Variants in RASGRP1 observed in about 807,000 individuals in gnomAD.
RASGRP1 encodes RAS guanyl releasing protein 1.
In RASGRP1, 37 loss-of-function variants were observed where a neutral mutation model predicts 95.1. That is an observed-to-expected ratio of 0.39 (90% CI 0.30 to 0.51). RASGRP1 has a LOEUF of 0.51. Among genes scored for constraint, RASGRP1 ranks in the 20% least tolerant of loss-of-function variants. RASGRP1 has a pLI of 0.80. For missense variants in RASGRP1, 711 were observed against 965.4 expected, an observed-to-expected ratio of 0.74 and a Z score of 3.49; for synonymous variants, 325 against 353.4, an observed-to-expected ratio of 0.92 and a Z score of 0.90.
chr15:38,533,163 G>C (rs776066958), intron 2 of RASGRP1, among the ~76,000 whole-genome samples: 5 of 152,194 alleles, frequency 3.3e-5, no homozygotes, highest in Non-Finnish European at 7.3e-5. Context: ...ATGAAGGATA[G>C]GCAAGCTGTC....
At chr15:38,554,920 T>C (rs1347158858) in intron 2 of RASGRP1, among the ~76,000 whole-genome samples, 2 of 152,238 alleles carry the variant, frequency 1.3e-5, no homozygotes, top group African/African-American at 4.8e-5. Flanking sequence ...CTTCGGCCCC[T>C]TCCTGACACT....
chr15:38,498,124 T>G (rs1227152981), intron 15 of RASGRP1, among the ~76,000 whole-genome samples: 3 of 152,198 alleles, frequency 2.0e-5, no homozygotes, highest in African/African-American at 7.2e-5. Flanking sequence ...TTCCTGCTGC[T>G]AAGTGACAGT....
Position 38,511,725 on chromosome 15 carries a change from G to A in RASGRP1, c.850-5C>T, listed in dbSNP as rs201650274. The A allele has an allele frequency of 6.2e-7, 1 of 1,603,622 alleles. No homozygotes were observed. Among genetic ancestry groups the A allele is most frequent in the Admixed American group, 1.7e-5 (1 of 59,988 alleles). On this transcript the variant is annotated splice_polypyrimidine_tract_variant and splice_region_variant and intron_variant, in intron 7 of 16. Coordinates refer to ENST00000310803, the MANE Select transcript of RASGRP1 (RefSeq NM_005739.4). ...GTTCTGTAGTTGGTGGAGCTTCTGTGACACAGAAGACAGATGACAGCAGAG... is the reference window on the plus strand; with the variant it reads ...GTTCTGTAGTTGGTGGAGCTTCTGTAACACAGAAGACAGATGACAGCAGAG...
chr15:38,542,960 C>T (rs920697615), intron 2 of RASGRP1, among the ~76,000 whole-genome samples: 17 of 143,150 alleles, frequency 1.2e-4, no homozygotes, highest in African/African-American at 2.3e-4. Flanking sequence ...TACACACATA[C>T]ATATATATAT....
At chr15:38,536,132 G>T (rs1356219336) in intron 2 of RASGRP1, among the ~76,000 whole-genome samples, 1 of 152,220 alleles carries the variant, frequency 6.6e-6, no homozygotes, top group African/African-American at 2.4e-5. Flanking sequence ...AAACTCTCTA[G>T]GAACAATTGA....
At chr15:38,516,752 G>A (rs1407630504) in intron 5 of RASGRP1, among the ~76,000 whole-genome samples, 1 of 151,868 alleles carries the variant, frequency 6.6e-6, no homozygotes, top group Non-Finnish European at 1.5e-5. Context: ...TCTCTATCTG[G>A]TTGGAAATCC....
chr15:38,539,262 G>A (rs1048426194), intron 2 of RASGRP1, among the ~76,000 whole-genome samples: 1 of 152,160 alleles, frequency 6.6e-6, no homozygotes, highest in Non-Finnish European at 1.5e-5. Context: ...GAGCTGGCCT[G>A]CATGCTAAAT....
At chr15:38,526,446 G>T (rs758128057) in intron 2 of RASGRP1, 42 bp from the exon 3 acceptor site, 13 of 1,498,740 alleles carry the variant, frequency 8.7e-6, no homozygotes, top group Non-Finnish European at 7.4e-6. Context: ...GCCCTGGAGG[G>T]AAACTAGTCA....
At chr15:38,523,160 A>T (rs1892064248) in intron 3 of RASGRP1, among the ~76,000 whole-genome samples, 1 of 152,156 alleles carries the variant, frequency 6.6e-6, no homozygotes, top group Admixed American at 6.5e-5. Context: ...ATAGATACTA[A>T]CACTATTAAC....
chr15:38,525,170 G>A (rs1892167653), intron 3 of RASGRP1, among the ~76,000 whole-genome samples: 1 of 152,054 alleles, frequency 6.6e-6, no homozygotes, highest in Non-Finnish European at 1.5e-5. Flanking sequence ...GTTTCACCAT[G>A]TTGGCCAGGC....
intron 2 of RASGRP1, among the ~76,000 whole-genome samples, chr15:38,533,287 G>A (rs1892519011): frequency 6.6e-6 from 1 of 152,194 alleles, no homozygotes; most frequent in Non-Finnish European, 1.5e-5. Flanking sequence ...AGAGCCTGTG[G>A]TAAGGCTGAG....
intron 4 of RASGRP1, 92 bp from the exon 5 acceptor site, chr15:38,518,515 G>C (rs1269222954): frequency 8.1e-6 from 11 of 1,355,490 alleles, no homozygotes; most frequent in East Asian, 2.5e-5. Context: ...GCCACAAAGA[G>C]AACTCAGAAA....
intron 2 of RASGRP1, among the ~76,000 whole-genome samples, chr15:38,556,538 GA>G (rs1893559089): frequency 6.6e-6 from 1 of 152,208 alleles, no homozygotes; most frequent in Non-Finnish European, 1.5e-5. Flanking sequence ...ACAGTTTGTA[GA>G]AAATCTATTC....
chr15:38,512,313 G>A lies in RASGRP1; in HGVS notation c.849+470C>T, dbSNP rs528634206. ...GGACAGAGAAGCTAGAATCTCTGGG[G>A]AACTTCAAATATGGGTTCATAGTAC... On this transcript the variant is annotated intron_variant, in intron 7 of 16. Transcript: ENST00000310803. 2.0e-3 allele frequency among the ~76,000 whole-genome samples: 307 copies of A among 152,310 alleles called. 1 individual carries two copies. The highest frequency in any genetic ancestry group is 3.8e-3 in the Non-Finnish European group (256 of 68,030).
intron 2 of RASGRP1, among the ~76,000 whole-genome samples, chr15:38,556,748 G>A (rs1893571838): frequency 6.6e-6 from 1 of 152,160 alleles, no homozygotes; most frequent in South Asian, 2.1e-4. Context: ...AGCCACATGT[G>A]GCCAGTGCAT....
At chr15:38,520,742 T>C (rs1404497090) in intron 3 of RASGRP1, among the ~76,000 whole-genome samples, 1 of 152,186 alleles carries the variant, frequency 6.6e-6, no homozygotes, top group Non-Finnish European at 1.5e-5. Flanking sequence ...TGCAGAACTG[T>C]AGTTTAAAAT....
chr15:38,560,539 C>T (rs182982925), intron 1 of RASGRP1, among the ~76,000 whole-genome samples: 1 of 152,256 alleles, frequency 6.6e-6, no homozygotes, highest in African/African-American at 2.4e-5. Flanking sequence ...TACACAAGGT[C>T]AGGCAGCCTC....
rs1566918682 is a variant in RASGRP1, at chr15:38,512,969, A to C, written c.676-13T>G. ...GATAATCAGAGAACTGCAGGAAAAG[A>C]AACAACAACAACAAAAAAAACCTAT... On this transcript the variant is annotated splice_polypyrimidine_tract_variant and intron_variant, in intron 6 of 16. Coordinates refer to ENST00000310803, the MANE Select transcript of RASGRP1 (RefSeq NM_005739.4). 1.3e-6 allele frequency: 2 copies of C among 1,495,212 alleles called. No homozygotes were observed. Among genetic ancestry groups the C allele is most frequent in the Non-Finnish European group, 8.9e-7 (1 of 1,124,694 alleles). 92.6% of individuals were successfully genotyped at this position (1,495,212 alleles called of 1,614,324 possible).
At position 38,490,052 on chromosome 15, in the gene RASGRP1, T is replaced by C. The variant is rs1336243110; in HGVS notation, c.*502A>G. On this transcript the variant is annotated 3_prime_UTR_variant, in exon 17 of 17. Coordinates refer to ENST00000310803, the MANE Select transcript of RASGRP1 (RefSeq NM_005739.4). ...AGGGTACATGGACTAATTGATTAGATCTGAGGTAGTGAAGAAGGAGCCAGG... is the reference window on the plus strand; with the variant it reads ...AGGGTACATGGACTAATTGATTAGACCTGAGGTAGTGAAGAAGGAGCCAGG... 6.6e-6 allele frequency: 1 copy of C among 152,628 alleles called. No homozygotes were observed. The highest frequency in any genetic ancestry group is 1.5e-5 in the Non-Finnish European group (1 of 68,118). The allele number at this position is 152,628 out of a possible 1,614,324, so 9.5% of individuals were successfully genotyped here. A position where few individuals can be genotyped will look rare whatever the true frequency, so the allele number is the denominator to read the frequency against.
Sources: allele counts gnomAD v4.1 joint callset (sites outside exome capture counted in the v4.1 genomes callset), GRCh38; gene constraint gnomAD v4.1.1; transcripts MANE v1.5; gene names NCBI Gene and HGNC (gene_info 2026-07-23, HGNC 2026-07-21).